Variants in NCOA1 observed in about 807,000 individuals in gnomAD.
NCOA1 encodes the protein nuclear receptor coactivator 1.
In NCOA1, 35 loss-of-function variants were observed where a neutral mutation model predicts 150.9. That is an observed-to-expected ratio of 0.23 (90% confidence interval 0.18 to 0.31). The LOEUF is 0.31. Among genes scored for constraint, NCOA1 ranks in the 10% least tolerant of loss-of-function variants. The probability of loss-of-function intolerance (pLI) is 1.00; values close to 1 mark genes in which losing one functional copy is unlikely to be tolerated. For missense variants in NCOA1, 1,491 were observed against 1,749.3 expected, an observed-to-expected ratio of 0.85 and a Z score of 2.63; for synonymous variants, 590 against 630.0, an observed-to-expected ratio of 0.94 and a Z score of 0.95.
chr2:24,636,783 A>G (rs1226288127), intron 3 of NCOA1, among the ~76,000 whole-genome samples: 2 of 152,036 alleles, frequency 1.3e-5, no homozygotes, highest in Non-Finnish European at 2.9e-5. Flanking sequence ...TGATGGAATA[A>G]CTTTTAATTT....
chr2:24,641,790 T>A (rs1420117737), intron 3 of NCOA1, among the ~76,000 whole-genome samples: 1 of 152,080 alleles, frequency 6.6e-6, no homozygotes, highest in Non-Finnish European at 1.5e-5. Context: ...CAAAATTTTG[T>A]CTTAATTTTT....
At chr2:24,712,483 T>C (rs1253550816) in intron 14 of NCOA1, among the ~76,000 whole-genome samples, 1 of 152,158 alleles carries the variant, frequency 6.6e-6, no homozygotes, top group African/African-American at 2.4e-5. Flanking sequence ...CATCCAACAA[T>C]GAAGGCTCCC....
intron 3 of NCOA1, among the ~76,000 whole-genome samples, chr2:24,622,264 C>T (rs1183549890): frequency 2.6e-5 from 4 of 152,162 alleles, no homozygotes; most frequent in African/African-American, 4.8e-5. Context: ...TTCTCAACAA[C>T]AGCACTGTTG....
intron 19 of NCOA1, among the ~76,000 whole-genome samples, chr2:24,750,560 T>C (rs1572681534): frequency 6.6e-6 from 1 of 152,312 alleles, no homozygotes; most frequent in East Asian, 1.9e-4. Flanking sequence ...TTATGCTAAG[T>C]GAATGCAAGC....
rs115706597 is a variant in NCOA1, at chr2:24,539,340, C to T, written c.-395-24955C>T. Among the ~76,000 whole-genome samples, 1,314 of 152,146 alleles carry T rather than the reference C, an allele frequency of 8.6e-3. 23 individuals carry two copies. The highest frequency in any genetic ancestry group is 0.03 in the African/African-American group (1,236 of 41,504). ...GGGTTGGGGAAGGAAGCATTAGAGACAAAAGGAATGATGAATGCAAAGATA... is the reference window on the plus strand; with the variant it reads ...GGGTTGGGGAAGGAAGCATTAGAGATAAAAGGAATGATGAATGCAAAGATA... On this transcript the variant is annotated intron_variant, in intron 1 of 22. Coordinates refer to ENST00000348332, the MANE Select transcript of NCOA1 (RefSeq NM_003743.5).
chr2:24,576,149 G>GTTTTT lies in NCOA1; in HGVS notation c.-259-8318_-259-8314dup, dbSNP rs1183405187. ...GAGTTTCAGAAATTATTTGGCCTTT[G>GTTTTT]TTTTTTTTTTTTTGTTTTTTGTTTT... On this transcript the variant is annotated intron_variant, in intron 2 of 22. Transcript: ENST00000348332. Among the ~76,000 whole-genome samples the GTTTTT allele has an allele frequency of 3.1e-3, 294 of 93,958 alleles. 13 individuals are homozygous for GTTTTT. The highest frequency in any genetic ancestry group is 4.2e-3 in the Non-Finnish European group (207 of 48,832). The allele number at this position is 93,958 out of a possible 152,430, so 61.6% of individuals were successfully genotyped here.
At chr2:24,591,676 G>A (rs1278934558) in intron 3 of NCOA1, among the ~76,000 whole-genome samples, 1 of 152,032 alleles carries the variant, frequency 6.6e-6, no homozygotes, top group Non-Finnish European at 1.5e-5. Context: ...CTGAATTGAT[G>A]CATCTACTCT....
chr2:24,632,481 A>G (rs1009192862), intron 3 of NCOA1, among the ~76,000 whole-genome samples: 2 of 152,224 alleles, frequency 1.3e-5, no homozygotes, highest in Non-Finnish European at 2.9e-5. Flanking sequence ...GGTCCATCTT[A>G]TAGGTTAAAA....
chr2:24,619,673 T>C (rs1238110212), intron 3 of NCOA1, among the ~76,000 whole-genome samples: 2 of 152,166 alleles, frequency 1.3e-5, no homozygotes, highest in African/African-American at 4.8e-5. Flanking sequence ...GGTGTAATTA[T>C]TTGGTCGGGG....
chr2:24,739,112 T>C (rs563317405), intron 17 of NCOA1, among the ~76,000 whole-genome samples: 21 of 152,276 alleles, frequency 1.4e-4, no homozygotes, highest in Non-Finnish European at 2.5e-4. Flanking sequence ...GCAGCACTTA[T>C]CTAAAATAAC....
At chr2:24,495,267 TAAGTA>T (rs1663155533) in intron 1 of NCOA1, among the ~76,000 whole-genome samples, 2 of 152,150 alleles carry the variant, frequency 1.3e-5, no homozygotes, top group South Asian at 4.1e-4. Context: ...TCCATAAGTT[TAAGTA>T]AAGTGAGTTG....
rs1662950513 is a variant in NCOA1, at chr2:24,491,491, C to G, written c.-507C>G. On this transcript the variant is annotated 5_prime_UTR_variant, in exon 1 of 23. Transcript: ENST00000348332. Reference sequence around the variant, plus strand: ...GGACCCCTGCTCCGGAGGAGGGGGCCGGAGAGCCGCGGCGCCGGGCCCGAG... The same window carrying G: ...GGACCCCTGCTCCGGAGGAGGGGGCGGGAGAGCCGCGGCGCCGGGCCCGAG... Among the ~76,000 whole-genome samples, 1 of 101,526 alleles carries G rather than the reference C, an allele frequency of 9.8e-6. No individual in the cohort carries two copies. The highest frequency in any genetic ancestry group is 3.0e-4 in the South Asian group (1 of 3,374). 66.6% of individuals were successfully genotyped at this position (101,526 alleles called of 152,430 possible).
At chr2:24,715,437 A>T (rs557187609) in intron 14 of NCOA1, among the ~76,000 whole-genome samples, 27 of 152,328 alleles carry the variant, frequency 1.8e-4, no homozygotes, top group African/African-American at 6.3e-4. Flanking sequence ...GCTAGAGGCT[A>T]AAGTTAAAAA....
intron 3 of NCOA1, among the ~76,000 whole-genome samples, chr2:24,631,611 G>A (rs1669713584): frequency 6.6e-6 from 1 of 152,120 alleles, no homozygotes; most frequent in African/African-American, 2.4e-5. Context: ...CTTAAGAACA[G>A]TGATAAAAAA....
chr2:24,738,621 T>C (rs1423898166), intron 17 of NCOA1, among the ~76,000 whole-genome samples: 7 of 152,204 alleles, frequency 4.6e-5, no homozygotes. Context: ...AATTGCATAG[T>C]ATATCCCTTC....
intron 1 of NCOA1, among the ~76,000 whole-genome samples, chr2:24,498,800 A>G (rs529498594): frequency 2.2e-4 from 33 of 152,190 alleles, no homozygotes; most frequent in African/African-American, 7.0e-4. Flanking sequence ...AGAAATGTCA[A>G]TTTTCCAAAT....
chr2:24,744,435 C>T (rs773279664), intron 19 of NCOA1, among the ~76,000 whole-genome samples: 28 of 152,152 alleles, frequency 1.8e-4, no homozygotes, highest in Non-Finnish European at 2.8e-4. Flanking sequence ...CTTTTCTGGA[C>T]AGAGTAAGAA....
At chr2:24,760,455 C>A (rs977374134) in intron 21 of NCOA1, among the ~76,000 whole-genome samples, 2 of 152,004 alleles carry the variant, frequency 1.3e-5, no homozygotes, top group Admixed American at 6.6e-5. Context: ...CCGCGCCCGG[C>A]CTTGGCTTTA....
At position 24,769,812 on chromosome 2, in the gene NCOA1, A is replaced by C. The variant is rs1002498468; in HGVS notation, c.*1421A>C. The C allele has an allele frequency of 1.3e-5, 3 of 222,870 alleles. No individual in the cohort carries two copies. The East Asian group carries it at 2.0e-4, about 15-fold the overall frequency. 13.8% of individuals were successfully genotyped at this position (222,870 alleles called of 1,614,324 possible). A position where few individuals can be genotyped will look rare whatever the true frequency, so the allele number is the denominator to read the frequency against. ...AAGGCCAGGAAAGCTTGAGAAAGGT[A>C]TTGTGGAAGAAGCAAAGGTAGACCC... On this transcript the variant is annotated 3_prime_UTR_variant, in exon 23 of 23. Transcript: ENST00000348332.
Sources: allele counts gnomAD v4.1 joint callset (sites outside exome capture counted in the v4.1 genomes callset), GRCh38; gene constraint gnomAD v4.1.1; transcripts MANE v1.5; gene names NCBI Gene and HGNC (gene_info 2026-07-23, HGNC 2026-07-21).